CTNNA3: variants seen among roughly 807,000 people sequenced by gnomAD.
CTNNA3 encodes catenin alpha-3.
In CTNNA3, 76 loss-of-function variants were observed where a neutral mutation model predicts 95.7. The ratio of observed to expected loss-of-function variants is 0.79; its 90% CI spans 0.66 to 0.96. CTNNA3 has a LOEUF of 0.96. CTNNA3 is among the 40% of genes least tolerant of loss of function. The pLI is 0.00. For synonymous variants in CTNNA3, 431 were observed against 374.4 expected (o/e 1.15, Z -1.74); for missense variants, 1,191 against 1,089.8 (o/e 1.09, Z -1.31).
intron 7 of CTNNA3, among the ~76,000 whole-genome samples, chr10:66,909,650 C>T (rs1037179383): frequency 3.9e-5 from 6 of 152,168 alleles, no homozygotes. Context: ...ATCTGCAACA[C>T]TTGTTAGTCA....
intron 12 of CTNNA3, among the ~76,000 whole-genome samples, chr10:66,367,739 C>T (rs115498976): frequency 0.06 from 8,950 of 148,944 alleles, 379 homozygotes; most frequent in East Asian, 0.11. Context: ...TCTAAGCCTC[C>T]TGGGTGGGGA....
chr10:66,093,567 G>A (rs1176000743), intron 14 of CTNNA3, among the ~76,000 whole-genome samples: 1 of 151,982 alleles, frequency 6.6e-6, no homozygotes, highest in African/African-American at 2.4e-5. Flanking sequence ...GAAACACAAG[G>A]ATCATTGTAG....
intron 11 of CTNNA3, among the ~76,000 whole-genome samples, chr10:66,393,755 C>T (rs1027352158): frequency 6.6e-6 from 1 of 151,944 alleles, no homozygotes; most frequent in Non-Finnish European, 1.5e-5. Flanking sequence ...TTGTTTAATT[C>T]TCATAATAAT....
chr10:66,421,309 T>A (rs940613175), intron 11 of CTNNA3, among the ~76,000 whole-genome samples: 1 of 152,064 alleles, frequency 6.6e-6, no homozygotes, highest in African/African-American at 2.4e-5. Context: ...AGTACAAACA[T>A]GTAATTAGAT....
intron 13 of CTNNA3, among the ~76,000 whole-genome samples, chr10:66,178,703 C>G (rs981386694): frequency 5.3e-5 from 8 of 151,284 alleles, no homozygotes; most frequent in Non-Finnish European, 1.0e-4. Flanking sequence ...ACATAAAGAC[C>G]TCTCAACACT....
chr10:67,250,067 T>C (rs900644587), intron 5 of CTNNA3, among the ~76,000 whole-genome samples: 1 of 152,180 alleles, frequency 6.6e-6, no homozygotes, highest in Non-Finnish European at 1.5e-5. Flanking sequence ...ATTATCTCTA[T>C]TGTTGCATTT....
chr10:66,965,638 C>T (rs566180660), intron 7 of CTNNA3, among the ~76,000 whole-genome samples: 13 of 149,314 alleles, frequency 8.7e-5, no homozygotes, highest in African/African-American at 2.0e-4. Context: ...AAATGTCTAA[C>T]GAACTTCCAC....
chr10:66,359,451 G>A (rs911185340), intron 12 of CTNNA3, among the ~76,000 whole-genome samples: 1 of 152,042 alleles, frequency 6.6e-6, no homozygotes, highest in African/African-American at 2.4e-5. Context: ...AATTATCTAG[G>A]AATATCAGGA....
chr10:67,613,476 G>C (rs138668765), intron 2 of CTNNA3, among the ~76,000 whole-genome samples: 2 of 152,216 alleles, frequency 1.3e-5, no homozygotes, highest in African/African-American at 4.8e-5. Flanking sequence ...GGTTGCTACA[G>C]CAAAATTAAA....
chr10:66,269,949 T>C (rs1238723960), intron 13 of CTNNA3, among the ~76,000 whole-genome samples: 3 of 152,148 alleles, frequency 2.0e-5, no homozygotes, highest in Non-Finnish European at 4.4e-5. Context: ...GCATTCATAA[T>C]TACATTAGTG....
At chr10:66,528,391 C>G (rs1226731460) in intron 10 of CTNNA3, among the ~76,000 whole-genome samples, 1 of 152,132 alleles carries the variant, frequency 6.6e-6, no homozygotes, top group African/African-American at 2.4e-5. Context: ...TTGGGAAACC[C>G]TTGAACATCT....
At chr10:66,395,370 A>C (rs2092967556) in intron 11 of CTNNA3, among the ~76,000 whole-genome samples, 1 of 152,044 alleles carries the variant, frequency 6.6e-6, no homozygotes, top group African/African-American at 2.4e-5. Context: ...GGAGGAGTCC[A>C]TGAGGTTAAA....
At chr10:66,730,105 GAA>G (rs71035172) in intron 9 of CTNNA3, among the ~76,000 whole-genome samples, 27 of 134,216 alleles carry the variant, frequency 2.0e-4, no homozygotes, top group African/African-American at 6.5e-4. Flanking sequence ...TACTCTGTCT[GAA>G]AAAAAAAAAA....
chr10:65,930,254 T>C (rs1308789642), intron 17 of CTNNA3, among the ~76,000 whole-genome samples: 5 of 134,590 alleles, frequency 3.7e-5, no homozygotes, highest in Admixed American at 2.9e-4. Context: ...GCTTCAAACA[T>C]GGAATTTAAC....
At chr10:67,310,396 C>CAA (rs1298837588) in intron 5 of CTNNA3, among the ~76,000 whole-genome samples, 1 of 152,182 alleles carries the variant, frequency 6.6e-6, no homozygotes, top group African/African-American at 2.4e-5. Flanking sequence ...CACACACACA[C>CAA]ACAAAAAAAC....
Position 66,280,611 on chromosome 10 carries a change from T to C in CTNNA3, c.1743A>G (p.Glu581=). The C allele has an allele frequency of 3.7e-6, 6 of 1,605,210 alleles. No homozygotes were observed. The highest frequency in any genetic ancestry group is 5.1e-6 in the Non-Finnish European group (6 of 1,176,524). ...AGGCAACATTCACTTGTGTTACAAATTCAGGAATTACTGTTAAAATAAAGA... is the reference window on the plus strand; with the variant it reads ...AGGCAACATTCACTTGTGTTACAAACTCAGGAATTACTGTTAAAATAAAGA... ...VNFLTSTVIP[E]FVTQVNVALE... is the part of the protein sequence containing the mutation. The change falls in exon 13 of 18, where the codon GAA becomes GAG. Residue 581 remains glutamate, a synonymous_variant. Coordinates refer to ENST00000433211, the MANE Select transcript of CTNNA3 (RefSeq NM_013266.4).
intron 13 of CTNNA3, among the ~76,000 whole-genome samples, chr10:66,220,641 T>C (rs1325321514): frequency 1.3e-5 from 2 of 152,102 alleles, no homozygotes; most frequent in African/African-American, 2.4e-5. Context: ...TTGAAGACGG[T>C]AAATGTGGGG....
intron 10 of CTNNA3, among the ~76,000 whole-genome samples, chr10:66,563,358 A>G (rs79951545): frequency 0.051 from 7,681 of 152,084 alleles, 248 homozygotes; most frequent in African/African-American, 0.076. Flanking sequence ...TTTATCAAAG[A>G]CTTCTTTTTC....
chr10:67,069,553 G>GCCTGCCCCAC (rs1856308488), intron 7 of CTNNA3, among the ~76,000 whole-genome samples: 1 of 133,654 alleles, frequency 7.5e-6, no homozygotes, highest in African/African-American at 3.0e-5. Flanking sequence ...GTGTACAGCA[G>GCCTGCCCCAC]CCCGCCCCAC....
Sources: gnomAD v4.1 joint callset for allele counts (sites outside exome capture counted in the v4.1 genomes callset) on GRCh38, gnomAD v4.1.1 for gene constraint, MANE v1.5 for transcripts, NCBI Gene and HGNC (gene_info 2026-07-23, HGNC 2026-07-21) for gene names.